Variants in GPHN observed in about 807,000 individuals in gnomAD.
GPHN encodes gephyrin.
A neutral mutation model predicts 95.5 loss-of-function variants in GPHN; 17 were observed. The ratio of observed to expected loss-of-function variants is 0.18; its 90% confidence interval spans 0.12 to 0.27. GPHN has a LOEUF of 0.27. GPHN is among the 10% of genes least tolerant of loss of function. The pLI is 1.00. For missense variants in GPHN, 660 were observed against 978.1 expected (o/e 0.67, Z 4.34); for synonymous variants, 320 against 322.5 (o/e 0.99, Z 0.08).
the GPHN span, chr14:67,662,333 C>T: frequency 3.8e-5 from 27 of 718,568 alleles, 1 homozygote; most frequent in East Asian, 7.5e-4. Flanking sequence ...AACAACCATC[C>T]CCATCAACTG....
chr14:67,569,328 C>G, the GPHN span: 424 of 684,904 alleles, frequency 6.2e-4, no homozygotes, highest in Non-Finnish European at 1.0e-3. Context: ...CTGGCCTACC[C>G]TGTTCCCCTC....
At chr14:67,651,504 G>A in the GPHN span, 4 of 1,611,944 alleles carry the variant, frequency 2.5e-6, no homozygotes, top group South Asian at 3.3e-5. Context: ...GCAAAGTGGG[G>A]AGTAGTCAGA....
intron 11 of GPHN, among the ~76,000 whole-genome samples, chr14:67,085,100 C>G (rs909998640): frequency 3.9e-5 from 6 of 152,164 alleles, no homozygotes; most frequent in African/African-American, 1.4e-4. Flanking sequence ...ATACATTTTT[C>G]TCATTTGAGC....
the GPHN span, chr14:67,585,739 AC>A: frequency 3.5e-6 from 4 of 1,139,016 alleles, no homozygotes; most frequent in Non-Finnish European, 5.1e-6. Context: ...AAAAGCCTGA[AC>A]CAAGTGACCA....
chr14:67,668,515 T>C, the GPHN span, among the ~76,000 whole-genome samples: 3 of 152,228 alleles, frequency 2.0e-5, no homozygotes, highest in Admixed American at 6.5e-5. Context: ...TTTAAAGTAA[T>C]GAAAATGTGG....
At chr14:67,455,421 C>T in the GPHN span, among the ~76,000 whole-genome samples, 1 of 152,146 alleles carries the variant, frequency 6.6e-6, no homozygotes, top group Admixed American at 6.6e-5. Context: ...ATTGTGACTT[C>T]CTCCAGGGAG....
chr14:66,995,537 T>C (rs767983657), intron 9 of GPHN, among the ~76,000 whole-genome samples: 2 of 152,182 alleles, frequency 1.3e-5, no homozygotes, highest in African/African-American at 4.8e-5. Context: ...TTTCTAAGAA[T>C]AGAAGAAAAG....
At chr14:67,093,930 ACAGTGTAGTTCTATAAG>A (rs1424556680) in intron 12 of GPHN, among the ~76,000 whole-genome samples, 1 of 152,084 alleles carries the variant, frequency 6.6e-6, no homozygotes, top group Non-Finnish European at 1.5e-5. Flanking sequence ...GCAGTCTCAG[ACAGTGTAGTTCTATAAG>A]CAGAGCAGAC....
chr14:66,963,064 C>CGCT (rs2069065838), intron 8 of GPHN, among the ~76,000 whole-genome samples: 1 of 151,824 alleles, frequency 6.6e-6, no homozygotes, highest in African/African-American at 2.4e-5. Flanking sequence ...AATTGTCAGC[C>CGCT]ATCGTCTTTT....
At chr14:67,714,094 T>TA in the GPHN span, among the ~76,000 whole-genome samples, 7 of 152,122 alleles carry the variant, frequency 4.6e-5, no homozygotes, top group Admixed American at 2.6e-4. Flanking sequence ...CTATTAGATT[T>TA]AAAAAAATTG....
the GPHN span, chr14:67,691,995 T>A: frequency 6.4e-6 from 1 of 155,968 alleles, no homozygotes; most frequent in African/African-American, 2.4e-5. Context: ...GGTAAACTTC[T>A]TTGTCATGTC....
At chr14:66,935,595 A>G (rs939267295) in intron 8 of GPHN, among the ~76,000 whole-genome samples, 3 of 151,648 alleles carry the variant, frequency 2.0e-5, no homozygotes, top group Non-Finnish European at 4.4e-5. Flanking sequence ...GCTGGCACCT[A>G]TAATCCCAGC....
the GPHN span, chr14:67,646,602 C>A: frequency 4.0e-6 from 6 of 1,488,964 alleles, no homozygotes; most frequent in East Asian, 1.1e-4. Flanking sequence ...TTGGTGAGAA[C>A]AAGAATTCTT....
chr14:67,655,603 A>G, the GPHN span, among the ~76,000 whole-genome samples: 2 of 152,112 alleles, frequency 1.3e-5, no homozygotes, highest in Non-Finnish European at 2.9e-5. Context: ...ATAAATCTAT[A>G]AACTGTGGTA....
At chr14:67,072,243 T>A (rs969094606) in intron 11 of GPHN, among the ~76,000 whole-genome samples, 13 of 152,114 alleles carry the variant, frequency 8.5e-5, no homozygotes, top group African/African-American at 2.9e-4. Context: ...AATACCTTAT[T>A]CCAGTAAAGA....
chr14:66,584,717 C>G (rs1222392481), intron 1 of GPHN, among the ~76,000 whole-genome samples: 1 of 152,114 alleles, frequency 6.6e-6, no homozygotes. Flanking sequence ...TTGAGCCAGC[C>G]TTGCATCCCC....
chr14:67,658,044 C>A, the GPHN span, among the ~76,000 whole-genome samples: 1 of 152,114 alleles, frequency 6.6e-6, no homozygotes, highest in Non-Finnish European at 1.5e-5. Flanking sequence ...CCACTGTGCC[C>A]GGCGCTCTGT....
chr14:66,992,672 T>C (rs2071516213), intron 9 of GPHN, among the ~76,000 whole-genome samples: 1 of 152,152 alleles, frequency 6.6e-6, no homozygotes, highest in Non-Finnish European at 1.5e-5. Flanking sequence ...AGGGGGGTTT[T>C]GTACTTTTAT....
intron 10 of GPHN, among the ~76,000 whole-genome samples, chr14:67,057,467 A>G (rs2075646371): frequency 6.6e-6 from 1 of 151,724 alleles, no homozygotes; most frequent in Non-Finnish European, 1.5e-5. Flanking sequence ...GAAGGAGAGC[A>G]TCAGAAAGAA....
Sources: gnomAD v4.1 joint callset for allele counts (sites outside exome capture counted in the v4.1 genomes callset) on GRCh38, gnomAD v4.1.1 for gene constraint, MANE v1.5 for transcripts, NCBI Gene and HGNC (gene_info 2026-07-23, HGNC 2026-07-21) for gene names.